Variants in SYT17 observed in about 807,000 individuals in gnomAD.
SYT17 encodes synaptotagmin-17.
Under a neutral mutation model 46.7 loss-of-function variants are expected in SYT17, and 22 were observed. The observed-to-expected ratio is 0.47, with a 90% CI of 0.34 to 0.67. The LOEUF (loss-of-function observed/expected upper bound fraction) is 0.67, where lower values mean the gene tolerates loss of function less well. Ranked by LOEUF, SYT17 falls within the 30% of genes least tolerant of loss-of-function variation. SYT17 has a pLI of 0.01. For synonymous variants in SYT17, 251 were observed against 248.4 expected (o/e 1.01, Z -0.10); for missense variants, 519 against 612.8 (o/e 0.85, Z 1.62).
intron 5 of SYT17, among the ~76,000 whole-genome samples, chr16:19,194,002 G>A (rs1214672818): frequency 6.6e-6 from 1 of 152,164 alleles, no homozygotes; most frequent in Non-Finnish European, 1.5e-5. Context: ...CTTTAGCGTT[G>A]CTACACTTTC....
intron 7 of SYT17, among the ~76,000 whole-genome samples, chr16:19,253,101 TC>T (rs754315720): frequency 1.3e-5 from 2 of 152,200 alleles, no homozygotes; most frequent in Non-Finnish European, 2.9e-5. Flanking sequence ...ACAGCCCACT[TC>T]CTGATTTTGT....
chr16:19,208,881 C>CTTTTT (rs1567213098), intron 5 of SYT17, among the ~76,000 whole-genome samples: 13 of 54,434 alleles, frequency 2.4e-4, no homozygotes, highest in South Asian at 5.6e-4. Context: ...CTACAAGGAC[C>CTTTTT]TTCTTTTTTT....
rs369920769 is a variant in SYT17 at position 19,183,701 on chromosome 16, G to A, written c.505G>A (p.Asp169Asn). ...PHLYSLDSNS[D>N]DVDSLTDEEI... Reference sequence around the variant, plus strand: ...CCTGTACTCCCTCGACTCCAACAGCGACGATGTGGACTCTCTGACAGACGA... The same window carrying A: ...CCTGTACTCCCTCGACTCCAACAGCAACGATGTGGACTCTCTGACAGACGA... The change falls in exon 5 of 8, where the codon GAC (aspartate) becomes AAC (asparagine). Residue 169 changes from aspartate (D) to asparagine (N), a missense_variant. By Grantham distance (23) the Asp-to-Asn change is conservative (BLOSUM62 1). Coordinates refer to ENST00000355377, the MANE Select transcript of SYT17 (RefSeq NM_016524.4). This position sits in a 1 kb window ranked among gnomAD's most constrained non-coding sequence, Gnocchi z 5.6. 1.6e-5 allele frequency: 26 copies of A among 1,614,028 alleles called. No individual in the cohort carries two copies. In the African/African-American group the frequency reaches 2.1e-4, roughly 13 times the overall value.
intron 7 of SYT17, among the ~76,000 whole-genome samples, chr16:19,248,923 AT>A (rs58120273): frequency 0.05 from 7,664 of 152,218 alleles, 655 homozygotes; most frequent in African/African-American, 0.17. Flanking sequence ...CGCTAAGTGA[AT>A]GCAAATGACT....
At chr16:19,169,160 C>T (rs1043583752) in intron 1 of SYT17, among the ~76,000 whole-genome samples, 6 of 152,144 alleles carry the variant, frequency 3.9e-5, no homozygotes, top group African/African-American at 1.2e-4. Context: ...GTGGGGGACA[C>T]CCAGAGGCCA....
At chr16:19,258,047 A>G (rs1968703972) in intron 7 of SYT17, among the ~76,000 whole-genome samples, 1 of 152,120 alleles carries the variant, frequency 6.6e-6, no homozygotes, top group African/African-American at 2.4e-5. Context: ...TGGCAAACTA[A>G]ATTAGCGACC....
intron 5 of SYT17, among the ~76,000 whole-genome samples, chr16:19,206,326 A>G (rs983428128): frequency 3.9e-5 from 6 of 152,168 alleles, no homozygotes; most frequent in Non-Finnish European, 7.3e-5. Context: ...CTAGAACTTC[A>G]TGGGGTATAT....
chr16:19,199,337 G>T lies in SYT17; in HGVS notation c.951+15190G>T, dbSNP rs113570610. ...CTGGTTAATGAGTGACTCACCTAAAGTTATTCACGGAATGGTGGAGCTTGG... is the reference window on the plus strand; with the variant it reads ...CTGGTTAATGAGTGACTCACCTAAATTTATTCACGGAATGGTGGAGCTTGG... On this transcript the variant is annotated intron_variant, in intron 5 of 7. Transcript: ENST00000355377. Among the ~76,000 whole-genome samples the T allele has an allele frequency of 5.9e-3, 898 of 152,288 alleles. 4 individuals are homozygous for T. Among genetic ancestry groups the T allele is most frequent in the African/African-American group, 0.02 (814 of 41,554 alleles).
chr16:19,263,787 A>G (rs1969168339), intron 7 of SYT17, among the ~76,000 whole-genome samples: 1 of 152,232 alleles, frequency 6.6e-6, no homozygotes, highest in African/African-American at 2.4e-5. Context: ...ATATCCATAC[A>G]ATGGAACGTT....
intron 5 of SYT17, among the ~76,000 whole-genome samples, chr16:19,189,702 T>C (rs1964937526): frequency 6.6e-6 from 1 of 152,176 alleles, no homozygotes; most frequent in South Asian, 2.1e-4. Context: ...AATTGGTTGG[T>C]TGGTCAGTGG....
At chr16:19,213,353 C>T (rs1340376494) in intron 5 of SYT17, among the ~76,000 whole-genome samples, 5 of 152,062 alleles carry the variant, frequency 3.3e-5, no homozygotes, top group South Asian at 2.1e-4. Flanking sequence ...TGCGGGAATG[C>T]GGTTACACTG....
intron 7 of SYT17, among the ~76,000 whole-genome samples, chr16:19,235,540 T>G (rs1347787135): frequency 6.6e-6 from 1 of 152,186 alleles, no homozygotes; most frequent in Non-Finnish European, 1.5e-5. Context: ...CAAAATGACT[T>G]GATTTACGAA....
chr16:19,184,776 C>T (rs1273960603), intron 5 of SYT17, among the ~76,000 whole-genome samples: 1 of 152,106 alleles, frequency 6.6e-6, no homozygotes, highest in Non-Finnish European at 1.5e-5. Flanking sequence ...AGAATGATTG[C>T]ACAGGGTATA....
At chr16:19,188,046 G>A (rs1373517277) in intron 5 of SYT17, among the ~76,000 whole-genome samples, 1 of 152,160 alleles carries the variant, frequency 6.6e-6, no homozygotes, top group African/African-American at 2.4e-5. Flanking sequence ...TATGTTCATT[G>A]CAGCACTATT....
chr16:19,260,382 C>T lies in SYT17; in HGVS notation c.1229-6498C>T, dbSNP rs147900304. Among the ~76,000 whole-genome samples the T allele has an allele frequency of 2.4e-3, 339 of 142,216 alleles. 4 individuals are homozygous for T. Among genetic ancestry groups the T allele is most frequent in the African/African-American group, 8.2e-3 (311 of 37,914 alleles). The allele number at this position is 142,216 out of a possible 152,430, so 93.3% of individuals were successfully genotyped here. A position where few individuals can be genotyped will look rare whatever the true frequency, so the allele number is the denominator to read the frequency against. On this transcript the variant is annotated intron_variant, in intron 7 of 7. Transcript: ENST00000355377. ...AAAAAAAGCCAGGCATAGTGGTGTG[C>T]ACCTGTGGTCCCAGCTAGTTGGGAA...
intron 7 of SYT17, among the ~76,000 whole-genome samples, chr16:19,253,275 G>A (rs576886631): frequency 1.5e-4 from 23 of 152,294 alleles, no homozygotes; most frequent in African/African-American, 3.8e-4. Context: ...AAGTATGTTG[G>A]CCTGGTATGG....
intron 3 of SYT17, 137 bp from the exon 4 acceptor site, chr16:19,180,252 ACT>A: frequency 1.2e-6 from 1 of 840,040 alleles, no homozygotes; most frequent in Non-Finnish European, 1.9e-6. Context: ...AGGACACCAC[ACT>A]GTCAAATTTG....
intron 3 of SYT17, among the ~76,000 whole-genome samples, chr16:19,175,228 T>C (rs543333617): frequency 6.6e-6 from 1 of 152,350 alleles, no homozygotes; most frequent in South Asian, 2.1e-4. Context: ...TAGGTTTCAA[T>C]AGAGATTAAT....
At chr16:19,181,017 G>A (rs1270785883) in intron 4 of SYT17, among the ~76,000 whole-genome samples, 2 of 152,242 alleles carry the variant, frequency 1.3e-5, no homozygotes, top group East Asian at 3.9e-4. Flanking sequence ...TGGGGACTTC[G>A]GTCAATTGAA....
Sources: gnomAD v4.1 joint callset for allele counts (sites outside exome capture counted in the v4.1 genomes callset) on GRCh38, gnomAD v4.1.1 for gene constraint, Gnocchi (gnomAD v3.1) non-coding constraint, MANE v1.5 for transcripts, NCBI Gene and HGNC (gene_info 2026-07-23, HGNC 2026-07-21) for gene names.